The following TMEM132D variants were observed in gnomAD, a reference collection of about 807,000 sequenced individuals.
TMEM132D encodes the protein mature OL transmembrane protein.
A neutral mutation model predicts 62.3 loss-of-function variants in TMEM132D; 21 were observed. That is an observed-to-expected ratio of 0.34 (90% CI 0.24 to 0.49). The LOEUF is 0.49. Among genes scored for constraint, TMEM132D ranks in the 20% least tolerant of loss-of-function variants. The pLI is 0.99. For synonymous variants in TMEM132D, 621 were observed against 575.6 expected (o/e 1.08, Z -1.13); for missense variants, 1,346 against 1,402.8 (o/e 0.96, Z 0.65).
intron 2 of TMEM132D, among the ~76,000 whole-genome samples, chr12:129,560,179 G>A (rs1566110056): frequency 1.3e-5 from 2 of 152,186 alleles, no homozygotes; most frequent in Admixed American, 1.3e-4. Context: ...GGGTCTTAAT[G>A]TACATCTTCT....
At chr12:129,490,454 AGAGTCTCGCTGTCTCCCAGC>A (rs1874740468) in intron 3 of TMEM132D, among the ~76,000 whole-genome samples, 1 of 121,318 alleles carries the variant, frequency 8.2e-6, no homozygotes. Flanking sequence ...TTTTTGAGAC[AGAGTCTCGCTGTCTCCCAGC>A]CTGGAGTGCA....
At chr12:129,187,401 A>G (rs1878248477) in intron 5 of TMEM132D, among the ~76,000 whole-genome samples, 1 of 152,226 alleles carries the variant, frequency 6.6e-6, no homozygotes, top group Non-Finnish European at 1.5e-5. Context: ...AATAACAGCC[A>G]AGAACTTGGA....
chr12:129,073,582 T>C lies in TMEM132D; in HGVS notation c.*293A>G. ...TTGATTCGAGAGAGAGAGGCTGTTC[T>C]TTCCTGGACGCTCTCAGACGCTCAG... On this transcript the variant is annotated 3_prime_UTR_variant, in exon 9 of 9. Coordinates refer to ENST00000422113, the MANE Select transcript of TMEM132D (RefSeq NM_133448.3). The C allele has an allele frequency of 3.1e-6, 1 of 320,382 alleles. No homozygotes were observed. Among genetic ancestry groups the C allele is most frequent in the Non-Finnish European group, 5.7e-6 (1 of 175,674 alleles). 19.8% of individuals were successfully genotyped at this position (320,382 alleles called of 1,614,324 possible).
chr12:129,325,453 C>A (rs1868875189), intron 4 of TMEM132D, among the ~76,000 whole-genome samples: 1 of 152,128 alleles, frequency 6.6e-6, no homozygotes. Context: ...AAACATAAGC[C>A]TGGCAAAGCT....
chr12:129,163,042 C>A (rs569801145), intron 5 of TMEM132D, among the ~76,000 whole-genome samples: 2 of 152,200 alleles, frequency 1.3e-5, no homozygotes, highest in African/African-American at 4.8e-5. Context: ...TCCGACACCA[C>A]GTCCTGGGGG....
intron 2 of TMEM132D, among the ~76,000 whole-genome samples, chr12:129,624,343 C>T (rs1409724364): frequency 3.3e-5 from 5 of 152,258 alleles, no homozygotes; most frequent in South Asian, 2.1e-4. Flanking sequence ...TTCAGAGACC[C>T]GGCAGAACAA....
chr12:129,221,316 A>C (rs73163151), intron 4 of TMEM132D, among the ~76,000 whole-genome samples: 1 of 152,138 alleles, frequency 6.6e-6, no homozygotes, highest in Admixed American at 6.5e-5. Context: ...CCCACACAGG[A>C]CATACAGCAG....
chr12:129,418,087 T>A (rs1282221732), intron 3 of TMEM132D, among the ~76,000 whole-genome samples: 1 of 152,200 alleles, frequency 6.6e-6, no homozygotes, highest in African/African-American at 2.4e-5. Context: ...AGGAACACTT[T>A]TACACTGTTG....
At chr12:129,284,711 A>G (rs995546985) in intron 4 of TMEM132D, among the ~76,000 whole-genome samples, 1 of 152,264 alleles carries the variant, frequency 6.6e-6, no homozygotes, top group Admixed American at 6.5e-5. Flanking sequence ...GCATATAAAT[A>G]CAATGGAATA....
At chr12:129,659,310 G>A (rs959463973) in intron 2 of TMEM132D, among the ~76,000 whole-genome samples, 7 of 152,152 alleles carry the variant, frequency 4.6e-5, no homozygotes, top group Non-Finnish European at 1.0e-4. Context: ...CTGATACAGT[G>A]ATAGATAACC....
At chr12:129,663,944 AG>A (rs1176505009) in intron 2 of TMEM132D, among the ~76,000 whole-genome samples, 5 of 136,756 alleles carry the variant, frequency 3.7e-5, no homozygotes, top group Admixed American at 3.6e-4. Context: ...TTCTCAAATT[AG>A]GAAAAACAAA....
chr12:129,500,559 G>A (rs1420297862), intron 3 of TMEM132D, among the ~76,000 whole-genome samples: 1 of 152,196 alleles, frequency 6.6e-6, no homozygotes, highest in African/African-American at 2.4e-5. Flanking sequence ...AAGGGACCTG[G>A]ATGGGGTCTA....
intron 1 of TMEM132D, among the ~76,000 whole-genome samples, chr12:129,705,451 G>T (rs1442650106): frequency 6.6e-6 from 1 of 152,122 alleles, no homozygotes; most frequent in African/African-American, 2.4e-5. Context: ...GTCTTCATTT[G>T]CATCCACTGT....
chr12:129,579,919 G>C lies in TMEM132D; in HGVS notation c.969-48714C>G, dbSNP rs151060511. On this transcript the variant is annotated intron_variant, in intron 2 of 8. Coordinates refer to ENST00000422113, the MANE Select transcript of TMEM132D (RefSeq NM_133448.3). ...AAGGGAAAGCCTACGGTAAAGTTGG[G>C]TATGAGTGGTTTATTTGGAAATGTG... Among the ~76,000 whole-genome samples the C allele has an allele frequency of 2.5e-3, 378 of 152,294 alleles. 2 individuals are homozygous for C. Among genetic ancestry groups the C allele is most frequent in the African/African-American group, 8.5e-3 (353 of 41,558 alleles).
intron 1 of TMEM132D, among the ~76,000 whole-genome samples, chr12:129,734,643 AT>A (rs554422355): frequency 1.8e-3 from 267 of 152,336 alleles, no homozygotes; most frequent in African/African-American, 5.4e-3. Context: ...ATTGATTATA[AT>A]CAAAATACTT....
At chr12:129,899,019 C>G (rs1875242906) in intron 1 of TMEM132D, among the ~76,000 whole-genome samples, 1 of 152,234 alleles carries the variant, frequency 6.6e-6, no homozygotes, top group South Asian at 2.1e-4. Flanking sequence ...CGCTTTAGTA[C>G]CTGTCCTGTG....
At chr12:129,322,103 G>C (rs1252081680) in intron 4 of TMEM132D, among the ~76,000 whole-genome samples, 1 of 151,632 alleles carries the variant, frequency 6.6e-6, no homozygotes, top group Non-Finnish European at 1.5e-5. Context: ...CTGCAAAATA[G>C]CCACGATGGC....
intron 2 of TMEM132D, among the ~76,000 whole-genome samples, chr12:129,643,174 C>G (rs1879687601): frequency 1.3e-5 from 2 of 152,164 alleles, no homozygotes; most frequent in African/African-American, 4.8e-5. Context: ...CCACCCACCT[C>G]AAGCTCCCAA....
At chr12:129,276,429 G>T (rs1881009729) in intron 4 of TMEM132D, among the ~76,000 whole-genome samples, 1 of 152,168 alleles carries the variant, frequency 6.6e-6, no homozygotes, top group African/African-American at 2.4e-5. Flanking sequence ...CTACTTATAA[G>T]CCAGGGATTT....
Sources: allele counts gnomAD v4.1 joint callset (sites outside exome capture counted in the v4.1 genomes callset), GRCh38; gene constraint gnomAD v4.1.1; transcripts MANE v1.5; gene names NCBI Gene and HGNC (gene_info 2026-07-23, HGNC 2026-07-21).